Variants in IL17REL observed in about 807,000 individuals in gnomAD.
The protein encoded by IL17REL is interleukin 17 receptor E like.
In IL17REL, 36 loss-of-function variants were observed where a neutral mutation model predicts 49.0. The ratio of observed to expected loss-of-function variants is 0.73; its 90% confidence interval spans 0.56 to 0.97. The LOEUF (loss-of-function observed/expected upper bound fraction) is 0.97, where lower values mean the gene tolerates loss of function less well. IL17REL is among the 50% of genes least tolerant of loss of function. The probability of loss-of-function intolerance (pLI) is 0.00; values close to 1 mark genes in which losing one functional copy is unlikely to be tolerated. For missense variants in IL17REL, 470 were observed against 453.9 expected (o/e 1.04, Z -0.32); for synonymous variants, 206 against 192.4 (o/e 1.07, Z -0.58).
At chr22:50,001,355 TTGCCCCAGGCCAAC>T in intron 1 of IL17REL, 124 bp from the exon 3 acceptor site, 1 of 588,888 alleles carries the variant, frequency 1.7e-6, no homozygotes, top group Non-Finnish European at 3.0e-6. Flanking sequence ...CTTTACTATC[TTGCCCCAGGCCAAC>T]TGGAGAGCAA....
intron 1 of IL17REL, among the ~76,000 whole-genome samples, chr22:50,001,708 C>T (rs1959516689): frequency 6.6e-6 from 1 of 152,266 alleles, no homozygotes; most frequent in Non-Finnish European, 1.5e-5. Flanking sequence ...CCCCCAGGGC[C>T]TTCTGCTCTG....
chr22:50,004,653 G>A (rs1397495699), intron 1 of IL17REL, among the ~76,000 whole-genome samples: 1 of 151,866 alleles, frequency 6.6e-6, no homozygotes, highest in Non-Finnish European at 1.5e-5. Flanking sequence ...CAGAGGTCAG[G>A]GGTTCGAGAC....
downstream of IL17REL, among the ~76,000 whole-genome samples, chr22:49,991,950 C>T (rs2061008603): frequency 6.6e-6 from 1 of 152,036 alleles, no homozygotes; most frequent in South Asian, 2.1e-4. Context: ...AGACATCAGT[C>T]AATATATGTA....
At chr22:49,992,303 A>G (rs1171105591), downstream of IL17REL, among the ~76,000 whole-genome samples, 1 of 151,794 alleles carries the variant, frequency 6.6e-6, no homozygotes, top group Non-Finnish European at 1.5e-5. Context: ...CCACAAGCTG[A>G]CTCTCGCTGC....
At chr22:50,008,368 G>A (rs1252911530) in intron 1 of IL17REL, among the ~76,000 whole-genome samples, 1 of 152,216 alleles carries the variant, frequency 6.6e-6, no homozygotes, top group Non-Finnish European at 1.5e-5. Context: ...GGCCGGTTTG[G>A]AACGCAACGA....
chr22:50,001,547 T>G (rs1294072395), intron 1 of IL17REL, among the ~76,000 whole-genome samples: 1 of 152,198 alleles, frequency 6.6e-6, no homozygotes, highest in Non-Finnish European at 1.5e-5. Flanking sequence ...CCACCACGAC[T>G]TGCTGGCAAG....
chr22:49,994,455 C>A (rs182504120), downstream of IL17REL: 998 of 152,476 alleles, frequency 6.5e-3, 13 homozygotes, highest in South Asian at 0.025. Flanking sequence ...GATGGCTCCA[C>A]GACACCCGCA....
At chr22:49,999,477 G>A in exon 6 of IL17REL, 1 of 1,609,932 alleles carries the variant, frequency 6.2e-7, no homozygotes. Flanking sequence ...CAGGAAGACG[G>A]CCTGGGAGAC....
At position 49,998,279 on chromosome 22, in the gene IL17REL, G is replaced by A. The variant is rs148986253; in HGVS notation, c.632C>T (p.Thr211Met). 5.7e-5 allele frequency: 91 copies of A among 1,610,092 alleles called. No homozygotes were observed. Among genetic ancestry groups the A allele is most frequent in the Admixed American group, 4.2e-4 (25 of 59,466 alleles). Residue 211 changes from threonine to methionine, a missense_variant, in exon 8 of 13, where the codon ACG (threonine) becomes ATG (methionine). Transcript: ENST00000341280. ...CTGGCTCTCCGGGTGGTAGTAGACC[G>A]TGTCCCACAGCACCTCCAGTGCCTC...
exon 13 of IL17REL, chr22:49,995,387 C>G (rs1357752029): frequency 6.6e-6 from 1 of 152,292 alleles, no homozygotes; most frequent in Non-Finnish European, 1.5e-5. Context: ...TTTTATGTGA[C>G]CCAGAGCCCC....
chr22:50,007,430 G>A (rs2061115972), intron 1 of IL17REL, among the ~76,000 whole-genome samples: 1 of 152,146 alleles, frequency 6.6e-6, no homozygotes, highest in Non-Finnish European at 1.5e-5. Flanking sequence ...GAGTGCAATG[G>A]TGCAATCTTG....
At chr22:50,011,426 C>A (rs1243962320), upstream of IL17REL, among the ~76,000 whole-genome samples, 1 of 152,014 alleles carries the variant, frequency 6.6e-6, no homozygotes, top group Non-Finnish European at 1.5e-5. Flanking sequence ...CTGCATACCC[C>A]GCAGCCGCCT....
At chr22:50,001,317 C>A (rs2061079044) in intron 1 of IL17REL, 86 bp from the exon 3 acceptor site, 6 of 593,706 alleles carry the variant, frequency 1.0e-5, no homozygotes, top group Non-Finnish European at 1.5e-5. Flanking sequence ...GGGAGAGAGC[C>A]CTGGGGCTGC....
chr22:50,004,851 C>CA (rs137852), intron 1 of IL17REL, among the ~76,000 whole-genome samples: 46,106 of 141,512 alleles, frequency 0.33, 7,515 homozygotes, highest in Middle Eastern at 0.52. Flanking sequence ...GACTCCATCT[C>CA]AAAAAAAAAA....
At chr22:50,012,428 G>C (rs1323354248), upstream of IL17REL, 1 of 152,592 alleles carries the variant, frequency 6.6e-6, no homozygotes, top group African/African-American at 2.4e-5. Context: ...GGACCCCCCA[G>C]GGCCCTGCAA....
intron 7 of IL17REL, 114 bp downstream of exon 9, chr22:49,999,177 G>T: frequency 7.8e-7 from 1 of 1,279,644 alleles, no homozygotes; most frequent in Non-Finnish European, 1.1e-6. Context: ...CAGGCTCAGG[G>T]ATTTAGGCTG....
chr22:49,997,337 G>A, exon 11 of IL17REL: 1 of 1,613,682 alleles, frequency 6.2e-7, no homozygotes. Flanking sequence ...GAAGGGAGCG[G>A]GCTGGCCTGG....
intron 11 of IL17REL, 103 bp from the exon 14 acceptor site, chr22:49,997,177 C>T (rs2061040694): frequency 1.2e-5 from 17 of 1,365,536 alleles, no homozygotes; most frequent in Non-Finnish European, 1.7e-5. Context: ...GCAGGGCTGG[C>T]CTCCCATCCC....
chr22:49,993,033 T>C (rs2061013963), downstream of IL17REL, among the ~76,000 whole-genome samples: 1 of 152,196 alleles, frequency 6.6e-6, no homozygotes, highest in African/African-American at 2.4e-5. The surrounding 1 kb of genome is among the most constrained non-coding windows in gnomAD (Gnocchi z 6.0). Context: ...TGGCTCTGGT[T>C]GTCTCTCTCA....
Sources: allele counts gnomAD v4.1 joint callset (sites outside exome capture counted in the v4.1 genomes callset), GRCh38; gene constraint gnomAD v4.1.1; non-coding constraint Gnocchi (gnomAD v3.1); transcripts MANE v1.5; gene names NCBI Gene and HGNC (gene_info 2026-07-23, HGNC 2026-07-21).